The following CADM2 variants were observed in gnomAD, a reference collection of about 807,000 sequenced individuals.
CADM2 encodes the protein cell adhesion molecule 2, also known as immunoglobulin superfamily member 4D.
Under a neutral mutation model 49.8 loss-of-function variants are expected in CADM2, and 12 were observed. The observed-to-expected ratio is 0.24, with a 90% CI of 0.15 to 0.39. The LOEUF (loss-of-function observed/expected upper bound fraction) is 0.39, where lower values mean the gene tolerates loss of function less well. Ranked by LOEUF, CADM2 falls within the 10% of genes least tolerant of loss-of-function variation. The probability of loss-of-function intolerance (pLI) is 1.00; values close to 1 mark genes in which losing one functional copy is unlikely to be tolerated. For missense variants in CADM2, 378 were observed against 492.3 expected (o/e 0.77, Z 2.20); for synonymous variants, 214 against 175.4 (o/e 1.22, Z -1.74).
intron 1 of CADM2, among the ~76,000 whole-genome samples, chr3:85,466,549 T>C (rs929075682): frequency 1.3e-5 from 2 of 152,178 alleles, no homozygotes; most frequent in African/African-American, 2.4e-5. Flanking sequence ...TACATGCCCA[T>C]GCCAGTCACC....
intron 2 of CADM2, among the ~76,000 whole-genome samples, chr3:85,745,654 C>T (rs1404858284): frequency 6.6e-6 from 1 of 152,086 alleles, no homozygotes; most frequent in African/African-American, 2.4e-5. Context: ...TCACTTGAGA[C>T]CAAGAGTTCA....
At chr3:85,427,987 G>A (rs2036491113) in intron 1 of CADM2, among the ~76,000 whole-genome samples, 1 of 151,808 alleles carries the variant, frequency 6.6e-6, no homozygotes, top group African/African-American at 2.4e-5. Flanking sequence ...GTTAACTCAG[G>A]GATGGCTTTT....
intron 1 of CADM2, among the ~76,000 whole-genome samples, chr3:85,026,022 GC>G (rs2034712251): frequency 6.6e-6 from 1 of 152,106 alleles, no homozygotes; most frequent in African/African-American, 2.4e-5. Flanking sequence ...GTGCTCAAGG[GC>G]TTTATGGTTA....
chr3:85,868,397 G>T (rs1053449117), intron 3 of CADM2, among the ~76,000 whole-genome samples: 1 of 151,962 alleles, frequency 6.6e-6, no homozygotes, highest in Non-Finnish European at 1.5e-5. Flanking sequence ...ACAAATTTTG[G>T]TTAAAACAGA....
intron 1 of CADM2, among the ~76,000 whole-genome samples, chr3:85,431,688 T>G (rs1394636032): frequency 6.6e-6 from 1 of 151,156 alleles, no homozygotes; most frequent in Non-Finnish European, 1.5e-5. Context: ...GATGATAATT[T>G]ATCCCTAAGT....
intron 1 of CADM2, among the ~76,000 whole-genome samples, chr3:84,963,841 CT>C (rs990265371): frequency 2.4e-4 from 36 of 152,254 alleles, no homozygotes; most frequent in Middle Eastern, 6.8e-3. Context: ...TAACTTTAGT[CT>C]TGGCAAGCTC....
At chr3:85,503,990 T>C (rs72909236) in intron 1 of CADM2, among the ~76,000 whole-genome samples, 1 of 152,356 alleles carries the variant, frequency 6.6e-6, no homozygotes, top group African/African-American at 2.4e-5. Flanking sequence ...TTCAGATGTT[T>C]ATGACAAGAA....
At chr3:85,108,069 G>T (rs1023438808) in intron 1 of CADM2, among the ~76,000 whole-genome samples, 1 of 151,638 alleles carries the variant, frequency 6.6e-6, no homozygotes, top group Non-Finnish European at 1.5e-5. Flanking sequence ...TCCATCTCTG[G>T]GTATATACAC....
In CADM2 at chr3:85,762,613, C is replaced by CTCTCTCTCTCTCTCTCTG. The variant is rs138508303; in HGVS notation, c.88+36074_88+36075insCTCTCTCTGTCTCTCTCT. Among the ~76,000 whole-genome samples, 114 of 148,080 alleles carry CTCTCTCTCTCTCTCTCTG rather than the reference C, an allele frequency of 7.7e-4. No individual in the cohort carries two copies. The Middle Eastern group carries it at 0.014, about 18-fold the overall frequency. ...ACTACTCCTCTCTCTCTCTCTCTCT[C>CTCTCTCTCTCTCTCTCTG]TCTCTCTCTGTCTCTGTTATTTTAT... On this transcript the variant is annotated intron_variant, in intron 2 of 9. Coordinates refer to ENST00000383699, the MANE Select transcript of CADM2 (RefSeq NM_001167675.2).
At chr3:85,390,890 G>A (rs1208031550) in intron 1 of CADM2, among the ~76,000 whole-genome samples, 4 of 152,150 alleles carry the variant, frequency 2.6e-5, no homozygotes, top group Non-Finnish European at 5.9e-5. Flanking sequence ...CTCAAGTTCA[G>A]TGTTGCTATA....
chr3:85,182,335 T>A (rs2040957226), intron 1 of CADM2, among the ~76,000 whole-genome samples: 1 of 152,168 alleles, frequency 6.6e-6, no homozygotes, highest in African/African-American at 2.4e-5. Flanking sequence ...GAGTCTACCT[T>A]AACTAAATCA....
intron 1 of CADM2, among the ~76,000 whole-genome samples, chr3:85,295,950 G>GA (rs1003828518): frequency 1.3e-5 from 2 of 149,760 alleles, no homozygotes; most frequent in South Asian, 2.1e-4. Context: ...AAAAGAAGAA[G>GA]AAAAAAAAAG....
chr3:85,964,173 T>C (rs1475499676), intron 8 of CADM2, among the ~76,000 whole-genome samples: 1 of 151,864 alleles, frequency 6.6e-6, no homozygotes, highest in East Asian at 1.9e-4. Context: ...GGCATTTCGA[T>C]CTATAATGAA....
At chr3:85,010,674 T>G (rs1408574407) in intron 1 of CADM2, among the ~76,000 whole-genome samples, 1 of 151,748 alleles carries the variant, frequency 6.6e-6, no homozygotes, top group Non-Finnish European at 1.5e-5. Context: ...AACCTGTCCT[T>G]GTTACTCCCC....
At chr3:85,440,511 A>G (rs1344568759) in intron 1 of CADM2, among the ~76,000 whole-genome samples, 2 of 152,144 alleles carry the variant, frequency 1.3e-5, no homozygotes, top group African/African-American at 4.8e-5. Context: ...ACGAGGTTGG[A>G]GTCCAGGTCT....
At chr3:85,085,154 A>T (rs2037320432) in intron 1 of CADM2, among the ~76,000 whole-genome samples, 1 of 152,242 alleles carries the variant, frequency 6.6e-6, no homozygotes, top group East Asian at 1.9e-4. Context: ...TGTATAATAG[A>T]TTTCCAGAAC....
chr3:85,417,537 C>A (rs2035969737), intron 1 of CADM2, among the ~76,000 whole-genome samples: 2 of 152,168 alleles, frequency 1.3e-5, no homozygotes, highest in African/African-American at 4.8e-5. Flanking sequence ...GGTGGGGATT[C>A]TATTACTAGC....
intron 1 of CADM2, among the ~76,000 whole-genome samples, chr3:85,664,533 A>G (rs1428719986): frequency 6.6e-6 from 1 of 151,866 alleles, no homozygotes. Flanking sequence ...TATATACCCA[A>G]AATCACTCCA....
chr3:85,335,146 A>T (rs1256149103), intron 1 of CADM2, among the ~76,000 whole-genome samples: 1 of 151,600 alleles, frequency 6.6e-6, no homozygotes, highest in Admixed American at 6.6e-5. Context: ...AAAATATTTT[A>T]TAATTTCTAA....
Sources: gnomAD v4.1 joint callset for allele counts (sites outside exome capture counted in the v4.1 genomes callset) on GRCh38, gnomAD v4.1.1 for gene constraint, MANE v1.5 for transcripts, NCBI Gene and HGNC (gene_info 2026-07-23, HGNC 2026-07-21) for gene names.